UBALD1: variants seen among roughly 807,000 people sequenced by gnomAD.
UBALD1 encodes the protein UBA like domain containing 1.
In UBALD1, 5 loss-of-function variants were observed where a neutral mutation model predicts 16.1. The observed-to-expected ratio is 0.31, with a 90% CI of 0.16 to 0.66. UBALD1 has a LOEUF of 0.66. Among genes scored for constraint, UBALD1 ranks in the 30% least tolerant of loss-of-function variants. The pLI, the probability that UBALD1 is intolerant of heterozygous loss-of-function variation, is 0.77. For synonymous variants in UBALD1, 146 were observed against 105.3 expected, an observed-to-expected ratio of 1.39 and a Z score of -2.37; for missense variants, 220 against 252.8, an observed-to-expected ratio of 0.87 and a Z score of 0.88.
chr16:4,611,362 T>G (rs1897355831), intron 1 of UBALD1: 1 of 152,264 alleles, frequency 6.6e-6, no homozygotes, highest in Non-Finnish European at 1.5e-5. Context: ...ACCACGGGTT[T>G]ACGACAGCTC....
chr16:4,614,408 G>A, intron 1 of UBALD1: 1 of 334,452 alleles, frequency 3.0e-6, no homozygotes, highest in Admixed American at 9.0e-5. Flanking sequence ...CGGACAAAAG[G>A]GGTGGGGGGG....
In UBALD1 at chr16:4,609,367, C is replaced by T. The variant is rs953295131; in HGVS notation, c.*266G>A. ...CAGGTGCGTCTTCGAAGGAAGGCTG[C>T]GTGGTCTCTGAAGTTCTGTCCGCCA... On this transcript the variant is annotated 3_prime_UTR_variant, in exon 3 of 3. Transcript: ENST00000283474. 2 of 360,320 alleles carry T rather than the reference C, an allele frequency of 5.6e-6. No individual in the cohort carries two copies. Among genetic ancestry groups the T allele is most frequent in the East Asian group, 4.1e-5 (1 of 24,138 alleles). The allele number at this position is 360,320 out of a possible 1,614,324, so 22.3% of individuals were successfully genotyped here.
At chr16:4,614,274 A>G in intron 1 of UBALD1, 1 of 353,316 alleles carries the variant, frequency 2.8e-6, no homozygotes, top group Non-Finnish European at 5.1e-6. Context: ...GGACCCTCGG[A>G]CCACTCGCCC....
In UBALD1 at chr16:4,609,959, C is replaced by A; in HGVS notation, c.208G>T (p.Ala70Ser). 6.4e-7 allele frequency: 1 copy of A among 1,572,472 alleles called. No individual in the cohort carries two copies. The highest frequency in any genetic ancestry group is 8.6e-7 in the Non-Finnish European group (1 of 1,160,704). Reference protein sequence around the residue: ...QMMCTPANTPATPPNFPDALT... With the variant: ...QMMCTPANTPSTPPNFPDALT... The stretch of plus-strand genomic sequence containing the variant: ...GCGTCAGGGAAGTTGGGGGGTGTAG[C>A]AGGGGTATTGGCGGGGGTGCACATC... Residue 70 changes from alanine to serine, a missense_variant, in exon 3 of 3, where the codon GCT (alanine) becomes TCT (serine). This residue lies in a region of UBALD1 where 69 missense variants were observed against 120.3 expected (regional missense o/e 0.57). Coordinates refer to ENST00000283474, the MANE Select transcript of UBALD1 (RefSeq NM_145253.3).
At chr16:4,610,459 C>T (rs764153981) in intron 2 of UBALD1, 34 bp downstream of exon 2, 1 of 1,576,798 alleles carries the variant, frequency 6.3e-7, no homozygotes, top group East Asian at 2.2e-5. Context: ...CTCCTTCCGC[C>T]CAATCCAGAA....
Position 4,609,787 on chromosome 16 carries a change from G to C in UBALD1, c.380C>G (p.Ala127Gly). Reference protein sequence around the residue: ...SSSAASSWPTAASPPGGPQHH... With the variant: ...SSSAASSWPTGASPPGGPQHH... Reference sequence around the variant, plus strand: ...CTGTGGGCCCCCCGGGGGCGAGGCCGCCGTGGGCCAGCTGGAGGCCGCAGA... The same window carrying C: ...CTGTGGGCCCCCCGGGGGCGAGGCCCCCGTGGGCCAGCTGGAGGCCGCAGA... Residue 127 changes from alanine to glycine, a missense_variant, in exon 3 of 3, where the codon GCG (alanine) becomes GGG (glycine). Physicochemically the swap from Ala to Gly is moderately conservative, Grantham distance 60 (BLOSUM62 0). This residue lies in a region of UBALD1 where 151 missense variants were observed against 132.6 expected (regional missense o/e 1.14). Transcript: ENST00000283474. 2 of 1,507,732 alleles carry C rather than the reference G, an allele frequency of 1.3e-6. No individual in the cohort carries two copies. The allele number at this position is 1,507,732 out of a possible 1,614,324, so 93.4% of individuals were successfully genotyped here. A position where few individuals can be genotyped will look rare whatever the true frequency, so the allele number is the denominator to read the frequency against.
chr16:4,612,636 G>C (rs183340673), intron 1 of UBALD1, among the ~76,000 whole-genome samples: 1 of 151,896 alleles, frequency 6.6e-6, no homozygotes. Flanking sequence ...ACTAGACACC[G>C]GCCCCTCCCC....
chr16:4,612,934 G>T (rs1897375735), intron 1 of UBALD1, among the ~76,000 whole-genome samples: 1 of 152,094 alleles, frequency 6.6e-6, no homozygotes, highest in Non-Finnish European at 1.5e-5. Flanking sequence ...GCCCCTCTGG[G>T]AACAGTCTTT....
In UBALD1 at chr16:4,609,237, C is replaced by G; in HGVS notation, c.*396G>C. ...CACATGCGGAGAGGCTCTGCATTCC[C>G]TAGGGTGGGGGTCGAGGCCTGCCGG... On this transcript the variant is annotated 3_prime_UTR_variant, in exon 3 of 3. Transcript: ENST00000283474. The G allele has an allele frequency of 5.4e-6, 1 of 184,068 alleles. No individual in the cohort carries two copies. The highest frequency in any genetic ancestry group is 1.1e-5 in the Non-Finnish European group (1 of 89,546). 11.4% of individuals were successfully genotyped at this position (184,068 alleles called of 1,614,324 possible).
At chr16:4,610,175 T>A (rs1312853768) in intron 2 of UBALD1, 192 bp from the exon 3 acceptor site, 1 of 719,494 alleles carries the variant, frequency 1.4e-6, no homozygotes, top group Non-Finnish European at 2.5e-6. Context: ...AGCCTCACTC[T>A]CAGGAGCCCA....
intron 1 of UBALD1, among the ~76,000 whole-genome samples, chr16:4,613,782 A>T (rs933815698): frequency 6.6e-6 from 1 of 152,170 alleles, no homozygotes; most frequent in Non-Finnish European, 1.5e-5. Flanking sequence ...CTACTGTCCT[A>T]TGGGTTAGGA....
chr16:4,614,856 G>T lies in UBALD1; in HGVS notation c.-59C>A. On this transcript the variant is annotated 5_prime_UTR_variant, in exon 1 of 3. Transcript: ENST00000283474. ...CTCCGCCCGCGCCTCCGCCTCACGC[G>T]TCCACCATTAGCGAGCCGGCTCCGG... 7.1e-7 allele frequency: 1 copy of T among 1,418,068 alleles called. No homozygotes were observed. The allele number at this position is 1,418,068 out of a possible 1,614,324, so 87.8% of individuals were successfully genotyped here. A position where few individuals can be genotyped will look rare whatever the true frequency, so the allele number is the denominator to read the frequency against.
chr16:4,614,799 G>A lies in UBALD1; in HGVS notation c.-2C>T. On this transcript the variant is annotated 5_prime_UTR_variant, in exon 1 of 3. Coordinates refer to ENST00000283474, the MANE Select transcript of UBALD1 (RefSeq NM_145253.3). ...GAGCTCGTCCATGTTCACGGACATGGCGCCGCCGCGCTGCCCGCTCCGGCC... is the reference window on the plus strand; with the variant it reads ...GAGCTCGTCCATGTTCACGGACATGACGCCGCCGCGCTGCCCGCTCCGGCC... The A allele has an allele frequency of 1.3e-6, 2 of 1,501,270 alleles. No homozygotes were observed. The highest frequency in any genetic ancestry group is 1.8e-6 in the Non-Finnish European group (2 of 1,125,010). The allele number at this position is 1,501,270 out of a possible 1,614,324, so 93.0% of individuals were successfully genotyped here. A position where few individuals can be genotyped will look rare whatever the true frequency, so the allele number is the denominator to read the frequency against.
chr16:4,614,310 C>T (rs1160918990), intron 1 of UBALD1: 3 of 361,504 alleles, frequency 8.3e-6, no homozygotes, highest in Non-Finnish European at 1.5e-5. Flanking sequence ...TCCGGCCCAG[C>T]TCTGCCGAGG....
intron 1 of UBALD1, among the ~76,000 whole-genome samples, chr16:4,613,365 G>C (rs1198899637): frequency 6.6e-6 from 1 of 152,146 alleles, no homozygotes; most frequent in Non-Finnish European, 1.5e-5. Flanking sequence ...GTCCTGGGGT[G>C]AACACCACAC....
chr16:4,609,087 C>T lies in UBALD1; in HGVS notation c.*546G>A, dbSNP rs1330263442. 1 of 13,500 alleles carries T rather than the reference C, an allele frequency of 7.4e-5. No individual in the cohort carries two copies. Among genetic ancestry groups the T allele is most frequent in the Admixed American group, 8.7e-4 (1 of 1,152 alleles). 0.8% of individuals were successfully genotyped at this position (13,500 alleles called of 1,614,324 possible). On this transcript the variant is annotated 3_prime_UTR_variant, in exon 3 of 3. Transcript: ENST00000283474. ...GAGGGGGTGGGGAGGAGGCAGGGCC[C>T]TGGGGAGGGGGCGGCGGGCAGGGGG...
At chr16:4,614,382 G>C in intron 1 of UBALD1, 1 of 373,482 alleles carries the variant, frequency 2.7e-6, no homozygotes, top group Non-Finnish European at 4.7e-6. Flanking sequence ...GGGCCGCCCG[G>C]CCCTCGGCCG....
In UBALD1 at chr16:4,609,617, G is replaced by T. The variant is rs372905090; in HGVS notation, c.*16C>A. The T allele has an allele frequency of 6.6e-6, 8 of 1,207,840 alleles. No individual in the cohort carries two copies. The highest frequency in any genetic ancestry group is 2.8e-5 in the Admixed American group (1 of 35,192). 74.8% of individuals were successfully genotyped at this position (1,207,840 alleles called of 1,614,324 possible). A position where few individuals can be genotyped will look rare whatever the true frequency, so the allele number is the denominator to read the frequency against. On this transcript the variant is annotated 3_prime_UTR_variant, in exon 3 of 3. Transcript: ENST00000283474. Reference sequence around the variant, plus strand: ...CCCACGGGGTCCTGGCCTCCGGGAGGGGGGAGGGGCCTCCCTTATCTCTCT... The same window carrying T: ...CCCACGGGGTCCTGGCCTCCGGGAGTGGGGAGGGGCCTCCCTTATCTCTCT...
Position 4,614,860 on chromosome 16 carries a change from A to T in UBALD1, c.-63T>A. On this transcript the variant is annotated 5_prime_UTR_variant, in exon 1 of 3. Coordinates refer to ENST00000283474, the MANE Select transcript of UBALD1 (RefSeq NM_145253.3). ...GCCCGCGCCTCCGCCTCACGCGTCCACCATTAGCGAGCCGGCTCCGGCTAA... is the reference window on the plus strand; with the variant it reads ...GCCCGCGCCTCCGCCTCACGCGTCCTCCATTAGCGAGCCGGCTCCGGCTAA... 2.1e-6 allele frequency: 3 copies of T among 1,396,388 alleles called. No homozygotes were observed. Among genetic ancestry groups the T allele is most frequent in the Non-Finnish European group, 2.8e-6 (3 of 1,067,370 alleles). 86.5% of individuals were successfully genotyped at this position (1,396,388 alleles called of 1,614,324 possible).
Sources: allele counts gnomAD v4.1 joint callset (sites outside exome capture counted in the v4.1 genomes callset), GRCh38; gene constraint gnomAD v4.1.1; regional missense constraint gnomAD v4.1.1; transcripts MANE v1.5; gene names NCBI Gene and HGNC (gene_info 2026-07-23, HGNC 2026-07-21).